Variants in PM20D2 observed in about 807,000 individuals in gnomAD.
PM20D2 encodes peptidase M20 domain containing 2.
Under a neutral mutation model 42.9 loss-of-function variants are expected in PM20D2, and 33 were observed. The observed-to-expected ratio is 0.77, with a 90% CI of 0.58 to 1.03. The LOEUF (loss-of-function observed/expected upper bound fraction) is 1.03. PM20D2 is among the 50% of genes least tolerant of loss of function. The pLI is 0.00. For missense variants in PM20D2, 548 were observed against 557.0 expected, an observed-to-expected ratio of 0.98 and a Z score of 0.16; for synonymous variants, 250 against 228.2, an observed-to-expected ratio of 1.10 and a Z score of -0.86.
intron 5 of PM20D2, among the ~76,000 whole-genome samples, chr6:89,161,334 A>C (rs917633036): frequency 6.6e-6 from 1 of 152,196 alleles, no homozygotes; most frequent in Admixed American, 6.5e-5. Context: ...CAAAATCTTG[A>C]GAAAGAATAT....
chr6:89,161,714 A>G, intron 5 of PM20D2, 69 bp from the exon 6 acceptor site: 2 of 1,217,228 alleles, frequency 1.6e-6, no homozygotes, highest in Non-Finnish European at 2.4e-6. Flanking sequence ...AGGGACTGTG[A>G]CTTCATAACT....
chr6:89,148,135 G>A (rs1250938211), intron 1 of PM20D2, among the ~76,000 whole-genome samples: 1 of 151,512 alleles, frequency 6.6e-6, no homozygotes, highest in African/African-American at 2.4e-5. Context: ...GTGCCACCAC[G>A]CCCAGCTAAT....
chr6:89,151,235 T>TC (rs915032172), intron 2 of PM20D2, among the ~76,000 whole-genome samples: 16 of 62,614 alleles, frequency 2.6e-4, no homozygotes, highest in African/African-American at 1.4e-3. Context: ...TTAAAAATTC[T>TC]TTTTTTTTTT....
the PM20D2 span, among the ~76,000 whole-genome samples, chr6:89,136,315 T>C: frequency 6.6e-6 from 1 of 151,262 alleles, no homozygotes; most frequent in South Asian, 2.1e-4. Context: ...GTGTAATTTA[T>C]TTCTAATATG....
chr6:89,151,062 A>G (rs888279749), intron 2 of PM20D2, among the ~76,000 whole-genome samples: 4 of 150,102 alleles, frequency 2.7e-5, no homozygotes, highest in African/African-American at 9.8e-5. Flanking sequence ...GAGCCAGGAG[A>G]ATTGCATGAA....
the PM20D2 span, among the ~76,000 whole-genome samples, chr6:89,114,297 A>G: frequency 6.6e-6 from 1 of 152,114 alleles, no homozygotes; most frequent in Non-Finnish European, 1.5e-5. Context: ...GCATGGTGGC[A>G]CACATCTGTA....
chr6:89,099,699 C>A, the PM20D2 span, among the ~76,000 whole-genome samples: 3 of 152,008 alleles, frequency 2.0e-5, no homozygotes, highest in Non-Finnish European at 4.4e-5. Context: ...CCACGCCCAG[C>A]TAACTTTGTA....
rs1771342111 is a variant in PM20D2, at chr6:89,164,464, ATTG to A, written c.*2206_*2208del. Reference sequence around the variant, plus strand: ...AACTGGGTGGCAGTTCACAAGGAAGATTGTTGTAACAGAAGAGTGACAACCAAT... The same window carrying A: ...AACTGGGTGGCAGTTCACAAGGAAGATTGTAACAGAAGAGTGACAACCAAT... On this transcript the variant is annotated 3_prime_UTR_variant, in exon 7 of 7. Transcript: ENST00000275072. The A allele has an allele frequency of 6.6e-6, 1 of 152,622 alleles. No individual in the cohort carries two copies. Among genetic ancestry groups the A allele is most frequent in the African/African-American group, 2.4e-5 (1 of 41,448 alleles). The allele number at this position is 152,622 out of a possible 1,614,324, so 9.5% of individuals were successfully genotyped here.
At chr6:89,146,641 C>T (rs1770575954) in intron 1 of PM20D2, 32 bp downstream of exon 1, 2 of 1,374,796 alleles carry the variant, frequency 1.5e-6, no homozygotes, top group Non-Finnish European at 1.9e-6. Context: ...GGACCCTATC[C>T]GACTGCCCGG....
the PM20D2 span, chr6:89,098,416 C>A: frequency 1.1e-6 from 1 of 928,948 alleles, no homozygotes; most frequent in Non-Finnish European, 1.5e-6. Flanking sequence ...AAATGGAGAC[C>A]AAATTTTTAT....
the PM20D2 span, chr6:89,117,963 C>G: frequency 6.9e-7 from 1 of 1,456,748 alleles, no homozygotes; most frequent in Middle Eastern, 1.9e-4. Flanking sequence ...GCTGCTACCA[C>G]CACAGGAGCT....
the PM20D2 span, among the ~76,000 whole-genome samples, chr6:89,125,344 G>T: frequency 6.6e-6 from 1 of 152,144 alleles, no homozygotes; most frequent in African/African-American, 2.4e-5. Context: ...GCTGGGTGTG[G>T]TGGCAGGCGC....
Position 89,162,053 on chromosome 6 carries a change from G to A in PM20D2, c.1157-56G>A, listed in dbSNP as rs552231609. The A allele has an allele frequency of 2.4e-5, 38 of 1,575,166 alleles. No homozygotes were observed. The South Asian group carries it at 3.4e-4, about 14-fold the overall frequency. On this transcript the variant is annotated intron_variant, in intron 6 of 6. Transcript: ENST00000275072. ...GTTGAGATACGGGTAGCTAACCTGT[G>A]AAATTAAATACAGCTTAAATAAGTA...
intron 5 of PM20D2, among the ~76,000 whole-genome samples, chr6:89,160,154 C>G (rs1771187723): frequency 6.6e-6 from 1 of 152,056 alleles, no homozygotes; most frequent in South Asian, 2.1e-4. Context: ...CACTGATGTC[C>G]CATTACTGTG....
chr6:89,094,622 T>A, the PM20D2 span, among the ~76,000 whole-genome samples: 4 of 152,202 alleles, frequency 2.6e-5, no homozygotes, highest in Non-Finnish European at 5.9e-5. Flanking sequence ...ACCTAGGGTA[T>A]CCTCAATATC....
chr6:89,107,654 G>A, the PM20D2 span, among the ~76,000 whole-genome samples: 2 of 151,980 alleles, frequency 1.3e-5, no homozygotes, highest in African/African-American at 4.8e-5. Context: ...TCACCTGAGT[G>A]AGCATGGGGA....
the PM20D2 span, among the ~76,000 whole-genome samples, chr6:89,104,380 G>A: frequency 6.6e-6 from 1 of 151,860 alleles, no homozygotes. Flanking sequence ...GGGATTACAG[G>A]TGCGTGGCTA....
intron 1 of PM20D2, 79 bp downstream of exon 1, chr6:89,146,688 G>T: frequency 8.3e-7 from 1 of 1,204,314 alleles, no homozygotes; most frequent in Non-Finnish European, 1.1e-6. Context: ...ACTCTCGTGC[G>T]TCCCGCGCGC....
the PM20D2 span, among the ~76,000 whole-genome samples, chr6:89,136,482 C>T: frequency 6.6e-6 from 1 of 150,650 alleles, no homozygotes; most frequent in Admixed American, 6.6e-5. Context: ...TCGAGACCAT[C>T]CTGGCTAACA....
Sources: allele counts gnomAD v4.1 joint callset (sites outside exome capture counted in the v4.1 genomes callset), GRCh38; gene constraint gnomAD v4.1.1; transcripts MANE v1.5; gene names NCBI Gene and HGNC (gene_info 2026-07-23, HGNC 2026-07-21).